GPM6B: variants seen among roughly 807,000 people sequenced by gnomAD.
GPM6B encodes the protein neuronal membrane glycoprotein M6-b.
Under a neutral mutation model 27.2 loss-of-function variants are expected in GPM6B, and 4 were observed. The ratio of observed to expected loss-of-function variants is 0.15; its 90% CI spans 0.07 to 0.34. GPM6B has a LOEUF of 0.34. GPM6B is among the 10% of genes least tolerant of loss of function. The pLI, the probability that GPM6B is intolerant of heterozygous loss-of-function variation, is 1.00. For synonymous variants in GPM6B, 124 were observed against 103.1 expected (o/e 1.20, Z -1.23); for missense variants, 183 against 261.9 (o/e 0.70, Z 2.08).
intron 4 of GPM6B, among the ~76,000 whole-genome samples, chrX:13,781,667 T>C (rs964654831): frequency 1.8e-5 from 2 of 111,652 alleles, no homozygotes; most frequent in Non-Finnish European, 3.8e-5. Flanking sequence ...CTCACCTACT[T>C]GTGACCTGGA....
chrX:13,813,957 T>C (rs925055390), intron 1 of GPM6B, among the ~76,000 whole-genome samples: 5 of 112,487 alleles, frequency 4.4e-5, no homozygotes, highest in Admixed American at 1.9e-4. Flanking sequence ...TGAATTTTGG[T>C]ATCTGGTAGC....
chrX:13,803,590 C>G (rs2048962720), intron 2 of GPM6B, among the ~76,000 whole-genome samples: 1 of 112,186 alleles, frequency 8.9e-6, no homozygotes, highest in Non-Finnish European at 1.9e-5. Flanking sequence ...TTCTGAATTA[C>G]AGATTTAACT....
intron 1 of GPM6B, among the ~76,000 whole-genome samples, chrX:13,875,432 AGGAG>A (rs920223263): frequency 4.5e-5 from 5 of 111,804 alleles, no homozygotes; most frequent in Non-Finnish European, 7.5e-5. Flanking sequence ...CATATGGCAG[AGGAG>A]GACTGGCATG....
At chrX:13,848,475 G>T (rs2049676038) in intron 1 of GPM6B, among the ~76,000 whole-genome samples, 1 of 111,802 alleles carries the variant, frequency 8.9e-6, no homozygotes, top group African/African-American at 3.3e-5. Context: ...ATTCAGTCAG[G>T]GTGTAAGATA....
chrX:13,847,758 AT>A (rs1409192526), intron 1 of GPM6B, among the ~76,000 whole-genome samples: 1 of 112,300 alleles, frequency 8.9e-6, no homozygotes, highest in South Asian at 3.7e-4. Context: ...TTAAACACTG[AT>A]TTTTAAAATG....
intron 1 of GPM6B, among the ~76,000 whole-genome samples, chrX:13,933,479 G>A (rs1438469115): frequency 8.9e-6 from 1 of 111,910 alleles, no homozygotes; most frequent in Non-Finnish European, 1.9e-5. Flanking sequence ...TGTATGTACT[G>A]CTTCTCCCCC....
At chrX:13,900,790 C>T (rs1479576567) in intron 1 of GPM6B, among the ~76,000 whole-genome samples, 1 of 111,965 alleles carries the variant, frequency 8.9e-6, no homozygotes, top group African/African-American at 3.3e-5. Flanking sequence ...GAATCAGACC[C>T]ATCAACTATA....
chrX:13,833,021 A>C (rs774170530), intron 1 of GPM6B, among the ~76,000 whole-genome samples: 23 of 111,951 alleles, frequency 2.1e-4, no homozygotes, highest in African/African-American at 6.8e-4. Context: ...AGTCTTAGCT[A>C]CTCAAGAGCT....
intron 1 of GPM6B, among the ~76,000 whole-genome samples, chrX:13,823,613 G>A (rs1258234663): frequency 8.4e-5 from 9 of 107,588 alleles, no homozygotes; most frequent in Admixed American, 5.0e-4. Context: ...TCTGCCTCTC[G>A]AGTTCAAGCG....
intron 7 of GPM6B, chrX:13,774,407 A>G (rs2048367735): frequency 1.3e-5 from 14 of 1,099,784 alleles, no homozygotes; most frequent in South Asian, 9.5e-5. Context: ...TTATTAATCT[A>G]CCATGCAAGG....
chrX:13,776,317 G>A lies in GPM6B; in HGVS notation c.772-14C>T, dbSNP rs780638823. On this transcript the variant is annotated splice_polypyrimidine_tract_variant and intron_variant, in intron 6 of 7. Coordinates refer to ENST00000316715, the MANE Select transcript of GPM6B (RefSeq NM_001001995.3). ...GGACATGTAGAACTACAAAAGAACAGGGCATCAACATAAGCATTTGATGTT... is the reference window on the plus strand; with the variant it reads ...GGACATGTAGAACTACAAAAGAACAAGGCATCAACATAAGCATTTGATGTT... 1 of 1,182,619 alleles carries A rather than the reference G, an allele frequency of 8.5e-7. No individual in the cohort carries two copies. Among genetic ancestry groups the A allele is most frequent in the Non-Finnish European group, 1.1e-6 (1 of 871,135 alleles).
At chrX:13,854,245 C>G (rs1440598707) in intron 1 of GPM6B, among the ~76,000 whole-genome samples, 1 of 111,532 alleles carries the variant, frequency 9.0e-6, no homozygotes, top group East Asian at 2.8e-4. Flanking sequence ...AACATTGTCT[C>G]CTAACAAAAT....
intron 1 of GPM6B, among the ~76,000 whole-genome samples, chrX:13,860,438 G>GTT (rs34401183): frequency 0.26 from 22,311 of 86,119 alleles, 2,675 homozygotes; most frequent in East Asian, 0.46. Flanking sequence ...AAAACGTGGG[G>GTT]TTTTTTTTTT....
intron 2 of GPM6B, among the ~76,000 whole-genome samples, chrX:13,805,281 G>A (rs766895190): frequency 1.8e-5 from 2 of 111,650 alleles, no homozygotes; most frequent in East Asian, 2.8e-4. Context: ...TATCATTATG[G>A]AATTCCAAAA....
chrX:13,828,023 C>A (rs1473163118), intron 1 of GPM6B, among the ~76,000 whole-genome samples: 1 of 111,264 alleles, frequency 9.0e-6, no homozygotes, highest in Non-Finnish European at 1.9e-5. Flanking sequence ...CTTGGGGAAC[C>A]AGACCCCTTC....
chrX:13,885,935 A>G (rs2050130895), intron 1 of GPM6B, among the ~76,000 whole-genome samples: 1 of 112,591 alleles, frequency 8.9e-6, no homozygotes, highest in Non-Finnish European at 1.9e-5. Flanking sequence ...TTCCAATGTT[A>G]TAATGGCTCC....
chrX:13,849,725 A>G (rs1012253239), intron 1 of GPM6B, among the ~76,000 whole-genome samples: 2 of 110,652 alleles, frequency 1.8e-5, no homozygotes, highest in African/African-American at 6.6e-5. Context: ...GGCCAAAAGC[A>G]ACATTTTTAA....
intron 2 of GPM6B, among the ~76,000 whole-genome samples, chrX:13,789,191 T>A (rs2048666132): frequency 8.9e-6 from 1 of 111,912 alleles, no homozygotes; most frequent in South Asian, 3.7e-4. Flanking sequence ...AGGGTTAAGA[T>A]TGCATGTGTG....
intron 1 of GPM6B, among the ~76,000 whole-genome samples, chrX:13,893,344 A>G (rs1347322484): frequency 9.2e-6 from 1 of 109,284 alleles, no homozygotes; most frequent in Admixed American, 9.9e-5. Flanking sequence ...AAATGACTAG[A>G]TTTTCCTCCT....
Sources: gnomAD v4.1 joint callset for allele counts (sites outside exome capture counted in the v4.1 genomes callset) on GRCh38, gnomAD v4.1.1 for gene constraint, MANE v1.5 for transcripts, NCBI Gene and HGNC (gene_info 2026-07-23, HGNC 2026-07-21) for gene names.